The following ASXL3 variants were observed in gnomAD, a reference collection of about 807,000 sequenced individuals.
ASXL3 encodes putative Polycomb group protein ASXL3.
Under a neutral mutation model 170.6 loss-of-function variants are expected in ASXL3, and 34 were observed. That is an observed-to-expected ratio of 0.20 (90% CI 0.15 to 0.27). ASXL3 has a LOEUF of 0.27. ASXL3 is among the 10% of genes least tolerant of loss of function. ASXL3 has a pLI of 1.00. For missense variants in ASXL3, 2,592 were observed against 2,695.3 expected (o/e 0.96, Z 0.85); for synonymous variants, 1,002 against 989.1 (o/e 1.01, Z -0.24).
intron 2 of ASXL3, among the ~76,000 whole-genome samples, chr18:33,627,238 G>A (rs1473993204): frequency 6.6e-6 from 1 of 152,140 alleles, no homozygotes; most frequent in African/African-American, 2.4e-5. Context: ...GGTTATGAGA[G>A]TGATTCCCAG....
At chr18:33,680,796 T>G (rs1029906233) in intron 7 of ASXL3, among the ~76,000 whole-genome samples, 3 of 151,936 alleles carry the variant, frequency 2.0e-5, no homozygotes, top group Non-Finnish European at 4.4e-5. Context: ...GAATTTCTGA[T>G]TAGTAGTTTT....
chr18:33,672,761 T>C (rs1599475496), intron 7 of ASXL3, among the ~76,000 whole-genome samples: 1 of 152,238 alleles, frequency 6.6e-6, no homozygotes, highest in Non-Finnish European at 1.5e-5. Flanking sequence ...TGTATTTGTT[T>C]ATAAAATTCA....
chr18:33,660,720 A>T (rs1006311715), intron 4 of ASXL3, among the ~76,000 whole-genome samples: 3 of 152,068 alleles, frequency 2.0e-5, no homozygotes, highest in African/African-American at 7.2e-5. Flanking sequence ...CTTCTCCCCC[A>T]GTGTATACAG....
chr18:33,708,835 A>G (rs766680058), intron 8 of ASXL3, among the ~76,000 whole-genome samples: 1 of 152,212 alleles, frequency 6.6e-6, no homozygotes. Flanking sequence ...GTGGTTATAT[A>G]TAATTTTCCA....
rs2067837316 is a variant in ASXL3 at position 33,748,720 on chromosome 18, A to C, written c.*2125A>C. 6.6e-6 allele frequency: 1 copy of C among 152,260 alleles called. No individual in the cohort carries two copies. The highest frequency in any genetic ancestry group is 2.4e-5 in the African/African-American group (1 of 41,456). 9.4% of individuals were successfully genotyped at this position (152,260 alleles called of 1,614,324 possible). A position where few individuals can be genotyped will look rare whatever the true frequency, so the allele number is the denominator to read the frequency against. On this transcript the variant is annotated 3_prime_UTR_variant, in exon 12 of 12. Transcript: ENST00000269197. ...AGTCTCACAGCGGGGCACCCCTATA[A>C]TATAGACACTTGCATGCCAACTCCT...
At chr18:33,585,602 C>G (rs1455489638) in intron 1 of ASXL3, among the ~76,000 whole-genome samples, 1 of 152,164 alleles carries the variant, frequency 6.6e-6, no homozygotes, top group Non-Finnish European at 1.5e-5. Context: ...ACATATAGCC[C>G]TCTGACACAT....
intron 4 of ASXL3, among the ~76,000 whole-genome samples, chr18:33,654,410 T>C (rs1231247887): frequency 6.6e-6 from 1 of 152,094 alleles, no homozygotes; most frequent in Non-Finnish European, 1.5e-5. Context: ...TAATTCGTTC[T>C]CACTTTTCTT....
At position 33,740,124 on chromosome 18, in the gene ASXL3, A is replaced by C; in HGVS notation, c.2720A>C (p.Tyr907Ser). 6.2e-7 allele frequency: 1 copy of C among 1,613,932 alleles called. No homozygotes were observed. Among genetic ancestry groups the C allele is most frequent in the Admixed American group, 1.7e-5 (1 of 60,024 alleles). ...LPSAKLQDKQ[Y>S]ISSVDKAPFS... ...TCTGCTAAATTACAGGACAAGCAAT[A>C]TATCTCATCAGTGGATAAGGCTCCA... The change falls in exon 11 of 12, where the codon TAT (tyrosine) becomes TCT (serine). Residue 907 changes from tyrosine (Y) to serine (S), a missense_variant. Tyr to Ser is a moderately radical substitution (Grantham distance 144). Coordinates refer to ENST00000269197, the MANE Select transcript of ASXL3 (RefSeq NM_030632.3).
intron 2 of ASXL3, among the ~76,000 whole-genome samples, chr18:33,637,338 T>TA: frequency 6.6e-6 from 1 of 152,124 alleles, no homozygotes; most frequent in East Asian, 1.9e-4. Context: ...AACACAGAGT[T>TA]AAACAGGATT....
intron 2 of ASXL3, among the ~76,000 whole-genome samples, chr18:33,639,082 G>A (rs897381943): frequency 8.6e-5 from 13 of 152,040 alleles, no homozygotes; most frequent in Admixed American, 5.3e-4. Context: ...CTTTCCATTT[G>A]TCATTCTTTT....
At chr18:33,654,240 A>C (rs976861809) in intron 4 of ASXL3, among the ~76,000 whole-genome samples, 5 of 152,118 alleles carry the variant, frequency 3.3e-5, no homozygotes, top group African/African-American at 1.2e-4. Context: ...TGATCTCATA[A>C]TAAAACAACA....
intron 5 of ASXL3, among the ~76,000 whole-genome samples, chr18:33,669,765 G>A (rs1261422440): frequency 6.6e-6 from 1 of 152,150 alleles, no homozygotes; most frequent in African/African-American, 2.4e-5. Context: ...AAGGATTGAG[G>A]CAGTATGAAG....
intron 2 of ASXL3, among the ~76,000 whole-genome samples, chr18:33,618,596 C>G (rs1164715487): frequency 6.6e-6 from 1 of 152,100 alleles, no homozygotes; most frequent in African/African-American, 2.4e-5. Flanking sequence ...GGCATATGTT[C>G]ATTCCATTAA....
intron 4 of ASXL3, among the ~76,000 whole-genome samples, chr18:33,646,722 A>C (rs2065919992): frequency 6.6e-6 from 1 of 151,758 alleles, no homozygotes; most frequent in Admixed American, 6.6e-5. Flanking sequence ...TTTTCCTGTA[A>C]TCACAAGTAG....
intron 8 of ASXL3, among the ~76,000 whole-genome samples, chr18:33,700,465 C>A (rs1215606183): frequency 6.6e-6 from 1 of 151,170 alleles, no homozygotes; most frequent in Non-Finnish European, 1.5e-5. Flanking sequence ...TTTTTTTCCC[C>A]AGGAAAGTAG....
In ASXL3 at chr18:33,745,708, A is replaced by T; in HGVS notation, c.5860A>T (p.Thr1954Ser). Reference protein sequence around the residue: ...TAALLQASSKTPVGCNAFAFN... With the variant: ...TAALLQASSKSPVGCNAFAFN... ...AGCTCTGTTACAGGCCTCTTCCAAG[A>T]CCCCAGTGGGGTGTAATGCATTTGC... Residue 1954 changes from threonine to serine, a missense_variant, in exon 12 of 12, where the codon ACC becomes TCC. Thr to Ser is a moderately conservative substitution (Grantham distance 58). Coordinates refer to ENST00000269197, the MANE Select transcript of ASXL3 (RefSeq NM_030632.3). 2 of 1,613,766 alleles carry T rather than the reference A, an allele frequency of 1.2e-6. No individual in the cohort carries two copies. The highest frequency in any genetic ancestry group is 1.7e-6 in the Non-Finnish European group (2 of 1,179,828).
At chr18:33,652,062 A>G (rs1033047597) in intron 4 of ASXL3, among the ~76,000 whole-genome samples, 1 of 152,086 alleles carries the variant, frequency 6.6e-6, no homozygotes, top group African/African-American at 2.4e-5. Flanking sequence ...TTAGAGATCA[A>G]AGAATGATTT....
chr18:33,641,271 G>T (rs2065842380), intron 2 of ASXL3, among the ~76,000 whole-genome samples: 2 of 151,946 alleles, frequency 1.3e-5, no homozygotes, highest in South Asian at 4.2e-4. Context: ...CATCTCTAGG[G>T]GTTCTTTGAT....
chr18:33,586,755 T>G (rs1227817235), intron 1 of ASXL3, among the ~76,000 whole-genome samples: 1 of 152,208 alleles, frequency 6.6e-6, no homozygotes, highest in Non-Finnish European at 1.5e-5. Context: ...TTTTAGAATT[T>G]TGTTAATAAT....
Sources: gnomAD v4.1 joint callset for allele counts (sites outside exome capture counted in the v4.1 genomes callset) on GRCh38, gnomAD v4.1.1 for gene constraint, MANE v1.5 for transcripts, NCBI Gene and HGNC (gene_info 2026-07-23, HGNC 2026-07-21) for gene names.